PHACTR2: variants seen among roughly 807,000 people sequenced by gnomAD.
PHACTR2 encodes the protein chromosome 6 open reading frame 56.
A neutral mutation model predicts 76.0 loss-of-function variants in PHACTR2; 30 were observed. The observed-to-expected ratio is 0.39, with a 90% CI of 0.30 to 0.54. PHACTR2 has a LOEUF of 0.54. PHACTR2 is among the 20% of genes least tolerant of loss of function. The probability of loss-of-function intolerance (pLI) is 0.61; values close to 1 mark genes in which losing one functional copy is unlikely to be tolerated. For missense variants in PHACTR2, 696 were observed against 781.1 expected (o/e 0.89, Z 1.30); for synonymous variants, 292 against 292.5 (o/e 1.00, Z 0.02).
In PHACTR2 at chr6:143,562,906, T is replaced by C. The variant is rs2128429896; in HGVS notation, c.217+25699T>C. Among the ~76,000 whole-genome samples the C allele has an allele frequency of 6.6e-6, 1 of 152,314 alleles. No homozygotes were observed. The highest frequency in any genetic ancestry group is 1.5e-5 in the Non-Finnish European group (1 of 68,028). On this transcript the variant is annotated intron_variant, in intron 1 of 11. Coordinates refer to the PHACTR2 transcript ENST00000367584. This position sits in a 1 kb window ranked among gnomAD's most constrained non-coding sequence, Gnocchi z 5.1. Reference sequence around the variant, plus strand: ...TGGATAAATATTGTATGATTCCACGTAGAGGATTTACCTAGAATAGGCAAA... The same window carrying C: ...TGGATAAATATTGTATGATTCCACGCAGAGGATTTACCTAGAATAGGCAAA...
At position 143,831,078 on chromosome 6, in the gene PHACTR2, T is replaced by C. The variant is rs967307386; in HGVS notation, c.*7389T>C. 6.6e-5 allele frequency: 10 copies of C among 152,240 alleles called. No homozygotes were observed. The highest frequency in any genetic ancestry group is 1.3e-4 in the Admixed American group (2 of 15,288). The allele number at this position is 152,240 out of a possible 1,614,324, so 9.4% of individuals were successfully genotyped here. On this transcript the variant is annotated 3_prime_UTR_variant, in exon 13 of 13. Coordinates refer to ENST00000440869, the MANE Select transcript of PHACTR2 (RefSeq NM_001100164.2). The surrounding 1 kb of genome is among the most constrained non-coding windows in gnomAD (Gnocchi z 5.2). ...TTTTTTTTAACTTGCTATCTTTTTATGTCTGAGGTATTTGATATTGATGTT... is the reference window on the plus strand; with the variant it reads ...TTTTTTTTAACTTGCTATCTTTTTACGTCTGAGGTATTTGATATTGATGTT...
chr6:143,568,323 G>T (rs1387052774), intron 1 of PHACTR2, among the ~76,000 whole-genome samples: 1 of 152,168 alleles, frequency 6.6e-6, no homozygotes, highest in East Asian at 1.9e-4. Flanking sequence ...ATGAATTAAG[G>T]TTATAGGGCC....
chr6:143,643,418 A>G (rs1319025698), intron 1 of PHACTR2, among the ~76,000 whole-genome samples: 1 of 152,222 alleles, frequency 6.6e-6, no homozygotes, highest in Non-Finnish European at 1.5e-5. Context: ...AAAGTAATTA[A>G]TATTTGCATT....
rs537472275 is a variant in PHACTR2, at chr6:143,558,859, G to A, written c.217+21652G>A. Among the ~76,000 whole-genome samples the A allele has an allele frequency of 3.3e-5, 5 of 152,166 alleles. No individual in the cohort carries two copies. Among genetic ancestry groups the A allele is most frequent in the Non-Finnish European group, 7.3e-5 (5 of 68,040 alleles). ...ACCAGTAATGGTGATTAGGTAGCTC[G>A]AGGGCCCCTAAACACCTCCCTGATG... On this transcript the variant is annotated intron_variant, in intron 1 of 11. Transcript: ENST00000367584. This position sits in a 1 kb window ranked among gnomAD's most constrained non-coding sequence, Gnocchi z 4.7.
chr6:143,639,588 G>C lies in PHACTR2; in HGVS notation c.13+31266G>C, dbSNP rs950299306. The stretch of plus-strand genomic sequence containing the variant: ...AGTCTTTAGGTTTGGGAGTGAGAAA[G>C]CCTGATTATAGCGGGAGGGATTACT... On this transcript the variant is annotated intron_variant, in intron 1 of 11. Transcript: ENST00000305766. This position sits in a 1 kb window ranked among gnomAD's most constrained non-coding sequence, Gnocchi z 5.0. Among the ~76,000 whole-genome samples, 4 of 152,098 alleles carry C rather than the reference G, an allele frequency of 2.6e-5. No individual in the cohort carries two copies. Among genetic ancestry groups the C allele is most frequent in the Admixed American group, 2.0e-4 (3 of 15,250 alleles).
In PHACTR2 at chr6:143,659,757, G is replaced by A. The variant is rs1219844500; in HGVS notation, c.13+51435G>A. On this transcript the variant is annotated intron_variant, in intron 1 of 11. Transcript: ENST00000305766. The surrounding 1 kb of genome is among the most constrained non-coding windows in gnomAD (Gnocchi z 5.0). Reference sequence around the variant, plus strand: ...AGCATTTATTGTAGTACCTCAGTTAGTCAAATATTTCCTTCCTCCAAAAGC... The same window carrying A: ...AGCATTTATTGTAGTACCTCAGTTAATCAAATATTTCCTTCCTCCAAAAGC... Among the ~76,000 whole-genome samples the A allele has an allele frequency of 6.6e-6, 1 of 152,198 alleles. No individual in the cohort carries two copies. Among genetic ancestry groups the A allele is most frequent in the Non-Finnish European group, 1.5e-5 (1 of 68,034 alleles).
intron 1 of PHACTR2, among the ~76,000 whole-genome samples, chr6:143,692,416 C>T (rs1777666441): frequency 6.6e-6 from 1 of 152,166 alleles, no homozygotes; most frequent in African/African-American, 2.4e-5. Context: ...GTTGGCCTGA[C>T]TGCGCTGTTT....
At chr6:143,721,023 G>A (rs111782942) in intron 2 of PHACTR2, among the ~76,000 whole-genome samples, 1 of 152,158 alleles carries the variant, frequency 6.6e-6, no homozygotes, top group Non-Finnish European at 1.5e-5. Flanking sequence ...TATAATATAA[G>A]CATTTTGTTA....
intron 1 of PHACTR2, among the ~76,000 whole-genome samples, chr6:143,567,600 T>C (rs1406522579): frequency 6.6e-6 from 1 of 152,194 alleles, no homozygotes; most frequent in Non-Finnish European, 1.5e-5. Context: ...GGTTTCACCA[T>C]ATTGGTCAGG....
At chr6:143,666,225 G>A (rs906894750) in intron 1 of PHACTR2, among the ~76,000 whole-genome samples, 2 of 152,180 alleles carry the variant, frequency 1.3e-5, no homozygotes, top group African/African-American at 4.8e-5. Context: ...TTTTATGGCT[G>A]CATAGTATTC....
Position 143,602,750 on chromosome 6 carries a change from G to A in PHACTR2, c.217+65543G>A, listed in dbSNP as rs765034388. Among the ~76,000 whole-genome samples the A allele has an allele frequency of 8.5e-5, 13 of 152,172 alleles. No individual in the cohort carries two copies. The highest frequency in any genetic ancestry group is 2.1e-4 in the South Asian group (1 of 4,836). On this transcript the variant is annotated intron_variant, in intron 1 of 11. Transcript: ENST00000367584. The surrounding 1 kb of genome is among the most constrained non-coding windows in gnomAD (Gnocchi z 6.1). ...CCTTGGCCAAAAGTCCAAACTTGTC[G>A]GAAGACTGTGTCTGATGGATGTTGC...
At position 143,648,973 on chromosome 6, in the gene PHACTR2, T is replaced by C. The variant is rs376691083; in HGVS notation, c.13+40651T>C. Among the ~76,000 whole-genome samples the C allele has an allele frequency of 8.7e-5, 13 of 149,948 alleles. 1 individual carries two copies. Among genetic ancestry groups the C allele is most frequent in the African/African-American group, 2.7e-4 (11 of 40,176 alleles). On this transcript the variant is annotated intron_variant, in intron 1 of 11. Coordinates refer to the PHACTR2 transcript ENST00000305766. This position sits in a 1 kb window ranked among gnomAD's most constrained non-coding sequence, Gnocchi z 6.7. ...GTGTGTGTCTGTGTGTCTATGTGTA[T>C]GACTGTTTCTATGTATGTCTCTGTG...
intron 1 of PHACTR2, among the ~76,000 whole-genome samples, chr6:143,699,101 A>G (rs561313975): frequency 1.3e-3 from 202 of 151,636 alleles, no homozygotes; most frequent in African/African-American, 4.6e-3. Flanking sequence ...TTTCCTTCAC[A>G]TTTCTTTGGT....
intron 4 of PHACTR2, among the ~76,000 whole-genome samples, chr6:143,758,029 G>A (rs1195121893): frequency 6.6e-6 from 1 of 152,032 alleles, no homozygotes; most frequent in Non-Finnish European, 1.5e-5. Flanking sequence ...TTCACACATA[G>A]TTGGTAGCGT....
chr6:143,694,746 G>C (rs919170024), intron 1 of PHACTR2, among the ~76,000 whole-genome samples: 1 of 152,198 alleles, frequency 6.6e-6, no homozygotes, highest in Non-Finnish European at 1.5e-5. Flanking sequence ...AAAACGCAGA[G>C]CCCCATTGAG....
rs534076246 is a variant in PHACTR2, at chr6:143,655,338, C to T, written c.13+47016C>T. ...GAATTGTGGGGAACAGGAAGTGATGCTAATGGGCATAGGGTTTCTTACTGG... is the reference window on the plus strand; with the variant it reads ...GAATTGTGGGGAACAGGAAGTGATGTTAATGGGCATAGGGTTTCTTACTGG... On this transcript the variant is annotated intron_variant, in intron 1 of 11. Coordinates refer to the PHACTR2 transcript ENST00000305766. Among the ~76,000 whole-genome samples, 511 of 152,116 alleles carry T rather than the reference C, an allele frequency of 3.4e-3. 4 individuals are homozygous for T. Among genetic ancestry groups the T allele is most frequent in the African/African-American group, 0.012 (497 of 41,478 alleles).
rs1456529783 is a variant in PHACTR2 at position 143,591,514 on chromosome 6, G to T, written c.217+54307G>T. Among the ~76,000 whole-genome samples, 1 of 152,180 alleles carries T rather than the reference G, an allele frequency of 6.6e-6. No homozygotes were observed. Among genetic ancestry groups the T allele is most frequent in the Non-Finnish European group, 1.5e-5 (1 of 68,034 alleles). On this transcript the variant is annotated intron_variant, in intron 1 of 11. Coordinates refer to the PHACTR2 transcript ENST00000367584. This position sits in a 1 kb window ranked among gnomAD's most constrained non-coding sequence, Gnocchi z 6.4. ...TAAGGTGGTCCTTTCCCAGCCAGGG[G>T]TTATGTGTTTCCAAGAGCAGCATGA... is the stretch of plus-strand genomic sequence containing the variant.
Position 143,566,302 on chromosome 6 carries a change from A to AT in PHACTR2, c.217+29104dup, listed in dbSNP as rs200601877. On this transcript the variant is annotated intron_variant, in intron 1 of 11. Coordinates refer to the PHACTR2 transcript ENST00000367584. ...ATTATCATTTATTTACTTATTTTGT[A>AT]TTTTTTTTTAGAGACAGGGTCTCAC... Among the ~76,000 whole-genome samples the AT allele has an allele frequency of 3.1e-3, 468 of 149,334 alleles. 1 individual carries two copies. The highest frequency in any genetic ancestry group is 4.3e-3 in the Non-Finnish European group (287 of 67,278).
chr6:143,608,220 A>G lies in PHACTR2; in HGVS notation c.-90A>G. On this transcript the variant is annotated 5_prime_UTR_variant, in exon 1 of 12. Coordinates refer to the PHACTR2 transcript ENST00000305766. This position sits in a 1 kb window ranked among gnomAD's most constrained non-coding sequence, Gnocchi z 4.6. ...CTCAGTGTGCCAGCAAGGGCTGATA[A>G]TCAGCAGAAGGACAGGGTGCTTCGT... 2 of 1,354,312 alleles carry G rather than the reference A, an allele frequency of 1.5e-6. No individual in the cohort carries two copies. The highest frequency in any genetic ancestry group is 2.4e-5 in the South Asian group (2 of 84,646). The allele number at this position is 1,354,312 out of a possible 1,614,324, so 83.9% of individuals were successfully genotyped here.
Sources: allele counts gnomAD v4.1 joint callset (sites outside exome capture counted in the v4.1 genomes callset), GRCh38; gene constraint gnomAD v4.1.1; non-coding constraint Gnocchi (gnomAD v3.1); transcripts MANE v1.5; gene names NCBI Gene and HGNC (gene_info 2026-07-23, HGNC 2026-07-21).